RAD51B: variants seen among roughly 807,000 people sequenced by gnomAD.
RAD51B encodes the protein RAD51 paralog B.
A neutral mutation model predicts 42.2 loss-of-function variants in RAD51B; 38 were observed. That is an observed-to-expected ratio of 0.90 (90% CI 0.70 to 1.18). The LOEUF (loss-of-function observed/expected upper bound fraction) is 1.18, where lower values mean the gene tolerates loss of function less well. Among genes scored for constraint, RAD51B ranks in the 50% most tolerant of loss-of-function variants. RAD51B has a pLI of 0.00. For synonymous variants in RAD51B, 154 were observed against 145.2 expected (o/e 1.06, Z -0.43); for missense variants, 373 against 400.7 (o/e 0.93, Z 0.59).
At chr14:67,837,478 A>G (rs1398051783) in intron 4 of RAD51B, among the ~76,000 whole-genome samples, 1 of 152,164 alleles carries the variant, frequency 6.6e-6, no homozygotes, top group Admixed American at 6.5e-5. Context: ...TTTTGTTGTT[A>G]TCTAATTGGC....
intron 10 of RAD51B, among the ~76,000 whole-genome samples, chr14:68,473,375 C>T (rs10142629): frequency 1.3e-5 from 2 of 152,064 alleles, no homozygotes; most frequent in Non-Finnish European, 2.9e-5. Flanking sequence ...TAGGCCAAGG[C>T]GCTCTCCTTT....
chr14:68,320,658 CAT>C lies in RAD51B; in HGVS notation c.853+28681_853+28682del, dbSNP rs199808918. Among the ~76,000 whole-genome samples the C allele has an allele frequency of 7.7e-3, 1,177 of 152,348 alleles. 10 individuals are homozygous for C. The highest frequency in any genetic ancestry group is 0.013 in the Non-Finnish European group (903 of 68,030). On this transcript the variant is annotated intron_variant, in intron 8 of 10. Coordinates refer to ENST00000471583, the MANE Select transcript of RAD51B (RefSeq NM_133510.4). ...CACCCACTTTCTTTTAGAACCAACACATATTCCTTCTGGCTCACTCCCTCTAT... is the reference window on the plus strand; with the variant it reads ...CACCCACTTTCTTTTAGAACCAACACATTCCTTCTGGCTCACTCCCTCTAT...
chr14:67,874,108 A>T (rs921200751), intron 5 of RAD51B, among the ~76,000 whole-genome samples: 5 of 150,644 alleles, frequency 3.3e-5, no homozygotes, highest in African/African-American at 1.0e-4. Flanking sequence ...TTAATTAATT[A>T]AAAAAATGTA....
chr14:68,364,315 A>T (rs929843085), intron 8 of RAD51B, among the ~76,000 whole-genome samples: 2 of 152,130 alleles, frequency 1.3e-5, no homozygotes, highest in Non-Finnish European at 2.9e-5. Flanking sequence ...GTCAGCGGGC[A>T]CTTTGTGGGG....
chr14:68,530,889 A>G (rs1184161778), intron 10 of RAD51B, among the ~76,000 whole-genome samples: 1 of 152,174 alleles, frequency 6.6e-6, no homozygotes, highest in Non-Finnish European at 1.5e-5. Context: ...AGAGTTTAAA[A>G]TAAAAGTTAA....
chr14:67,906,178 G>T (rs2043776420), intron 7 of RAD51B, among the ~76,000 whole-genome samples: 1 of 152,026 alleles, frequency 6.6e-6, no homozygotes, highest in Non-Finnish European at 1.5e-5. Flanking sequence ...TTTTAGTTTT[G>T]TTTATGTGAT....
intron 10 of RAD51B, among the ~76,000 whole-genome samples, chr14:68,580,319 G>A (rs1326605585): frequency 2.0e-5 from 3 of 150,444 alleles, no homozygotes; most frequent in Non-Finnish European, 4.4e-5. Flanking sequence ...TGATCTCAGA[G>A]CTTAGCACAC....
At chr14:68,260,817 T>A (rs760001624) in intron 7 of RAD51B, among the ~76,000 whole-genome samples, 56 of 152,224 alleles carry the variant, frequency 3.7e-4, no homozygotes, top group Admixed American at 1.6e-3. Context: ...TGCTATAAGC[T>A]GATTTTCTCA....
At chr14:68,594,721 C>T (rs1890917160) in exon 11 of RAD51B, 3 of 1,262,414 alleles carry the variant, frequency 2.4e-6, no homozygotes, top group South Asian at 1.5e-5. Context: ...GAGACTTTGC[C>T]ATTCCAATGA....
At chr14:68,610,976 T>A (rs1891658944) in intron 10 of RAD51B, 2 of 700,156 alleles carry the variant, frequency 2.9e-6, no homozygotes, top group Non-Finnish European at 5.2e-6. Context: ...TTGTTGCATT[T>A]AAATCTGATC....
rs146262138 is a variant in RAD51B, at chr14:68,603,050, C to T, written c.1037-7956C>T. ...GCAAACCATTTTGAGGGCCTAATGT[C>T]TGGAGCTGAGGATATGACTATCAAA... is the stretch of plus-strand genomic sequence containing the variant. On this transcript the variant is annotated intron_variant, in intron 10 of 10. Coordinates refer to the RAD51B transcript ENST00000487861. 1.7e-3 allele frequency among the ~76,000 whole-genome samples: 260 copies of T among 152,268 alleles called. 1 individual carries two copies. The highest frequency in any genetic ancestry group is 6.0e-3 in the African/African-American group (250 of 41,540).
At chr14:67,897,727 G>T (rs1273735486) in intron 7 of RAD51B, among the ~76,000 whole-genome samples, 1 of 151,238 alleles carries the variant, frequency 6.6e-6, no homozygotes, top group African/African-American at 2.4e-5. Context: ...TCAGCTCACT[G>T]CAACCTCTGC....
At chr14:67,865,424 A>G (rs1372054725) in intron 5 of RAD51B, among the ~76,000 whole-genome samples, 1 of 151,560 alleles carries the variant, frequency 6.6e-6, no homozygotes, top group Non-Finnish European at 1.5e-5. Context: ...TTTAGTAGAG[A>G]CAGGGTTTCA....
chr14:67,829,537 C>A (rs530846856), intron 3 of RAD51B, among the ~76,000 whole-genome samples: 1 of 151,556 alleles, frequency 6.6e-6, no homozygotes, highest in Non-Finnish European at 1.5e-5. Context: ...CCACTGTGCC[C>A]GGCCCAGTAT....
At chr14:68,486,195 G>T (rs1369037516) in intron 10 of RAD51B, among the ~76,000 whole-genome samples, 1 of 152,092 alleles carries the variant, frequency 6.6e-6, no homozygotes, top group Non-Finnish European at 1.5e-5. Flanking sequence ...TTAAATCATT[G>T]GTCAAACTTT....
chr14:68,374,571 C>A (rs1174432769), intron 8 of RAD51B, among the ~76,000 whole-genome samples: 3 of 152,002 alleles, frequency 2.0e-5, no homozygotes, highest in Non-Finnish European at 4.4e-5. Context: ...AGATTCTCAC[C>A]TTTATAGCCC....
At chr14:68,479,557 C>T (rs760438754), downstream of RAD51B, among the ~76,000 whole-genome samples, 34 of 152,094 alleles carry the variant, frequency 2.2e-4, no homozygotes, top group Non-Finnish European at 3.5e-4. Context: ...TTAGATCATA[C>T]TCTTTAGTCC....
chr14:67,918,219 G>A (rs2044217294), intron 7 of RAD51B, among the ~76,000 whole-genome samples: 2 of 152,000 alleles, frequency 1.3e-5, no homozygotes, highest in African/African-American at 4.8e-5. Flanking sequence ...TCAAAGAAAA[G>A]GGAAGGGAAA....
At chr14:68,665,600 G>C (rs980291699) in intron 11 of RAD51B, among the ~76,000 whole-genome samples, 3 of 152,216 alleles carry the variant, frequency 2.0e-5, no homozygotes, top group African/African-American at 7.2e-5. Flanking sequence ...TAATAGGACT[G>C]TATGGCCCTG....
Sources: allele counts gnomAD v4.1 joint callset (sites outside exome capture counted in the v4.1 genomes callset), GRCh38; gene constraint gnomAD v4.1.1; transcripts MANE v1.5; gene names NCBI Gene and HGNC (gene_info 2026-07-23, HGNC 2026-07-21).